The following SYTL3 variants were observed in gnomAD, a reference collection of about 807,000 sequenced individuals.
SYTL3 encodes synaptotagmin-like protein 3.
SYTL3 carries 88 observed loss-of-function variants against 82.1 expected under a neutral mutation model. The ratio of observed to expected loss-of-function variants is 1.07; its 90% CI spans 0.90 to 1.28. The LOEUF (loss-of-function observed/expected upper bound fraction) is 1.28. Among genes scored for constraint, SYTL3 ranks in the 50% most tolerant of loss-of-function variants. The pLI is 0.00. For synonymous variants in SYTL3, 311 were observed against 289.4 expected, an observed-to-expected ratio of 1.07 and a Z score of -0.76; for missense variants, 831 against 757.6, an observed-to-expected ratio of 1.10 and a Z score of -1.14.
intron 10 of SYTL3, among the ~76,000 whole-genome samples, chr6:158,722,838 T>C (rs1185879127): frequency 7.2e-6 from 1 of 139,682 alleles, no homozygotes; most frequent in Non-Finnish European, 1.5e-5. Flanking sequence ...CAGTCTGGGC[T>C]CACTGCAACC....
At chr6:158,756,250 G>A (rs995970283) in intron 13 of SYTL3, among the ~76,000 whole-genome samples, 1 of 152,182 alleles carries the variant, frequency 6.6e-6, no homozygotes, top group African/African-American at 2.4e-5. Flanking sequence ...GTCACTCTTG[G>A]GTGTGTTGGG....
chr6:158,731,451 G>A (rs1249783875), intron 11 of SYTL3, among the ~76,000 whole-genome samples: 2 of 151,942 alleles, frequency 1.3e-5, no homozygotes, highest in Non-Finnish European at 2.9e-5. Context: ...TAACCACCAA[G>A]ACTGCCTTTG....
chr6:158,743,180 C>T (rs1162557190), intron 11 of SYTL3, among the ~76,000 whole-genome samples: 2 of 152,146 alleles, frequency 1.3e-5, no homozygotes, highest in Admixed American at 6.6e-5. Flanking sequence ...GCTCCTGATG[C>T]AAGGAGAGTC....
At chr6:158,761,817 C>T (rs568653497) in intron 15 of SYTL3, among the ~76,000 whole-genome samples, 5 of 152,218 alleles carry the variant, frequency 3.3e-5, no homozygotes, top group South Asian at 2.1e-4. Flanking sequence ...CCTCTCCTTG[C>T]GTTCCTCTTT....
intron 5 of SYTL3, among the ~76,000 whole-genome samples, chr6:158,668,629 C>G (rs1267993624): frequency 6.6e-6 from 1 of 152,190 alleles, no homozygotes; most frequent in Non-Finnish European, 1.5e-5. Flanking sequence ...TGCCGAAAGT[C>G]TGCCTGGTTT....
In SYTL3 at chr6:158,757,271, G is replaced by A. The variant is rs772091691; in HGVS notation, c.1198G>A (p.Gly400Ser). 46 of 1,613,358 alleles carry A rather than the reference G, an allele frequency of 2.9e-5. No homozygotes were observed. Among genetic ancestry groups the A allele is most frequent in the Non-Finnish European group, 3.8e-5 (45 of 1,179,970 alleles). ...RQLQVSVWHL[G>S]TLARRVFLGE... ...GCTGCAGGTCTCGGTGTGGCATCTGGGCACGCTGGCCCGGAGAGTGTTTCT... is the reference window on the plus strand; with the variant it reads ...GCTGCAGGTCTCGGTGTGGCATCTGAGCACGCTGGCCCGGAGAGTGTTTCT... Residue 400 changes from glycine to serine, a missense_variant, in exon 14 of 18, where the codon GGC becomes AGC. By Grantham distance (56) the Gly-to-Ser change is moderately conservative. Coordinates refer to ENST00000611299, the MANE Select transcript of SYTL3 (RefSeq NM_001242394.2).
chr6:158,750,374 C>T (rs1288916499), intron 12 of SYTL3, among the ~76,000 whole-genome samples: 1 of 152,064 alleles, frequency 6.6e-6, no homozygotes, highest in East Asian at 1.9e-4. Flanking sequence ...CATGGGTGTG[C>T]ACTTTATTAT....
rs568334402 is a variant in SYTL3 at position 158,742,042 on chromosome 6, T to A, written c.856-3438T>A. On this transcript the variant is annotated intron_variant, in intron 11 of 17. Transcript: ENST00000611299. ...ATGTTTTGCTGGACCAAATGCATTG[T>A]GGATGTTGCGGATTGTCTTTGCTGC... Among the ~76,000 whole-genome samples, 4 of 152,366 alleles carry A rather than the reference T, an allele frequency of 2.6e-5. No individual in the cohort carries two copies. The South Asian group carries it at 8.3e-4, about 32-fold the overall frequency.
intron 6 of SYTL3, among the ~76,000 whole-genome samples, chr6:158,704,887 C>A (rs1209754064): frequency 1.2e-5 from 1 of 83,300 alleles, no homozygotes; most frequent in Non-Finnish European, 2.3e-5. Flanking sequence ...GGCTGTAAGG[C>A]CACATAGGGC....
At chr6:158,667,747 C>CA (rs1389421487) in intron 5 of SYTL3, among the ~76,000 whole-genome samples, 2 of 152,162 alleles carry the variant, frequency 1.3e-5, no homozygotes, top group African/African-American at 4.8e-5. Flanking sequence ...GCTAGGGTAG[C>CA]AATGACCAAA....
intron 14 of SYTL3, among the ~76,000 whole-genome samples, chr6:158,758,953 C>A (rs746967477): frequency 2.0e-5 from 3 of 152,186 alleles, no homozygotes; most frequent in Non-Finnish European, 4.4e-5. Flanking sequence ...GGCTTCCATG[C>A]CTTCCGTGCC....
In SYTL3 at chr6:158,754,856, G is replaced by A. The variant is rs146546005; in HGVS notation, c.1138-2355G>A. 8.5e-3 allele frequency among the ~76,000 whole-genome samples: 1,294 copies of A among 152,302 alleles called. 7 individuals are homozygous for A. Among genetic ancestry groups the A allele is most frequent in the Non-Finnish European group, 0.014 (921 of 68,010 alleles). ...CGCCCACACACAGCTGGAGATGAGA[G>A]AGCTGCCTGGGGGCCCGAGCCCGAC... On this transcript the variant is annotated intron_variant, in intron 13 of 17. Coordinates refer to ENST00000611299, the MANE Select transcript of SYTL3 (RefSeq NM_001242394.2).
chr6:158,716,385 G>T (rs1411956896), intron 9 of SYTL3, among the ~76,000 whole-genome samples: 1 of 152,186 alleles, frequency 6.6e-6, no homozygotes, highest in African/African-American at 2.4e-5. Flanking sequence ...CTAAGAGATT[G>T]CTGGGGGACC....
At chr6:158,754,191 T>A (rs1788778370) in intron 13 of SYTL3, among the ~76,000 whole-genome samples, 1 of 152,096 alleles carries the variant, frequency 6.6e-6, no homozygotes, top group South Asian at 2.1e-4. Flanking sequence ...TAGAAATTGA[T>A]CCTCAAATTT....
At chr6:158,763,923 G>A (rs1186616486) in intron 17 of SYTL3, among the ~76,000 whole-genome samples, 1 of 152,098 alleles carries the variant, frequency 6.6e-6, no homozygotes, top group African/African-American at 2.4e-5. Flanking sequence ...GGCATGGTAG[G>A]TGGACAGCCC....
intron 2 of SYTL3, among the ~76,000 whole-genome samples, chr6:158,652,734 G>T (rs2128345757): frequency 6.6e-6 from 1 of 151,970 alleles, no homozygotes; most frequent in South Asian, 2.1e-4. Context: ...TAAAGACAGG[G>T]TTTCACCATG....
chr6:158,726,024 CGT>C (rs1200658950), intron 11 of SYTL3: 4 of 622,626 alleles, frequency 6.4e-6, no homozygotes, highest in African/African-American at 3.7e-5. Flanking sequence ...TCGCAGTCCA[CGT>C]GTGTGTCCAA....
At position 158,659,809 on chromosome 6, in the gene SYTL3, C is replaced by T. The variant is rs1247585348; in HGVS notation, c.-636-1460C>T. ...AATACATTTAAGGTTGAAGTGGTCACTGTTTTACTTCCTGTTCTTAGTAGA... is the reference window on the plus strand; with the variant it reads ...AATACATTTAAGGTTGAAGTGGTCATTGTTTTACTTCCTGTTCTTAGTAGA... On this transcript the variant is annotated intron_variant, in intron 2 of 17. Coordinates refer to ENST00000611299, the MANE Select transcript of SYTL3 (RefSeq NM_001242394.2). Among the ~76,000 whole-genome samples, 3 of 152,350 alleles carry T rather than the reference C, an allele frequency of 2.0e-5. No homozygotes were observed. In the East Asian group the frequency reaches 5.8e-4, roughly 29 times the overall value.
intron 2 of SYTL3, among the ~76,000 whole-genome samples, chr6:158,654,182 C>T (rs751055460): frequency 4.6e-5 from 7 of 152,154 alleles, no homozygotes; most frequent in Non-Finnish European, 7.3e-5. Flanking sequence ...CCTCTCTGCT[C>T]CTGTGTGGAG....
Sources: allele counts gnomAD v4.1 joint callset (sites outside exome capture counted in the v4.1 genomes callset), GRCh38; gene constraint gnomAD v4.1.1; transcripts MANE v1.5; gene names NCBI Gene and HGNC (gene_info 2026-07-23, HGNC 2026-07-21).